The following DGKB variants were observed in gnomAD, a reference collection of about 807,000 sequenced individuals.
DGKB encodes diacylglycerol kinase beta, also known as 90 kDa diacylglycerol kinase.
In DGKB, 67 loss-of-function variants were observed where a neutral mutation model predicts 114.3. That is an observed-to-expected ratio of 0.59 (90% confidence interval 0.48 to 0.72). The LOEUF is 0.72. DGKB is among the 30% of genes least tolerant of loss of function. The pLI is 0.00. For synonymous variants in DGKB, 398 were observed against 323.1 expected (o/e 1.23, Z -2.49); for missense variants, 907 against 975.2 (o/e 0.93, Z 0.93).
chr7:14,240,001 T>C (rs2128362215), intron 23 of DGKB, among the ~76,000 whole-genome samples: 1 of 152,184 alleles, frequency 6.6e-6, no homozygotes, highest in East Asian at 1.9e-4. Flanking sequence ...AATTTGATCC[T>C]GCTACCTTAC....
intron 21 of DGKB, among the ~76,000 whole-genome samples, chr7:14,451,825 C>T (rs1348111102): frequency 6.6e-6 from 1 of 151,920 alleles, no homozygotes; most frequent in East Asian, 1.9e-4. Context: ...AGTGAGATGC[C>T]CCAAACTCTT....
chr7:14,346,083 A>G (rs1463907760), intron 21 of DGKB, among the ~76,000 whole-genome samples: 1 of 151,734 alleles, frequency 6.6e-6, no homozygotes, highest in Non-Finnish European at 1.5e-5. Context: ...TTAGAAGACA[A>G]TACATGTAAG....
intron 6 of DGKB, among the ~76,000 whole-genome samples, chr7:14,717,348 CCTGAGCAAA>C (rs1828372795): frequency 6.6e-6 from 1 of 152,052 alleles, no homozygotes. Context: ...CCTGATAACA[CCTGAGCAAA>C]CTTTCTCTCT....
At chr7:14,461,721 T>C (rs994644593) in intron 21 of DGKB, among the ~76,000 whole-genome samples, 19 of 151,978 alleles carry the variant, frequency 1.3e-4, no homozygotes, top group African/African-American at 3.6e-4. Flanking sequence ...TTCCAGGTGA[T>C]AGAAAAAAAG....
intron 1 of DGKB, among the ~76,000 whole-genome samples, chr7:14,969,337 A>G (rs576560059): frequency 6.6e-6 from 1 of 152,298 alleles, no homozygotes; most frequent in Non-Finnish European, 1.5e-5. Flanking sequence ...GGCTTCAATG[A>G]ACAATGGGGA....
At chr7:14,452,172 G>C (rs990701847) in intron 21 of DGKB, among the ~76,000 whole-genome samples, 1 of 151,898 alleles carries the variant, frequency 6.6e-6, no homozygotes, top group African/African-American at 2.4e-5. Flanking sequence ...ACATATGTGG[G>C]CTTAAATATC....
chr7:14,268,931 T>C (rs1797899422), intron 23 of DGKB: 1 of 152,192 alleles, frequency 6.6e-6, no homozygotes, highest in Non-Finnish European at 1.5e-5. Flanking sequence ...CAACACACAT[T>C]TATTAGCTCA....
chr7:14,373,480 T>G (rs1172754734), intron 21 of DGKB, among the ~76,000 whole-genome samples: 1 of 152,068 alleles, frequency 6.6e-6, no homozygotes, highest in Non-Finnish European at 1.5e-5. Context: ...GTACAGTGAG[T>G]TCTTTGCCAA....
intron 23 of DGKB, among the ~76,000 whole-genome samples, chr7:14,181,284 T>C (rs1782602925): frequency 6.6e-6 from 1 of 152,146 alleles, no homozygotes; most frequent in Admixed American, 6.5e-5. Context: ...TAGAGAAACA[T>C]GAACACTTTC....
chr7:14,681,010 G>A (rs895621560), intron 12 of DGKB, among the ~76,000 whole-genome samples: 1 of 151,476 alleles, frequency 6.6e-6, no homozygotes, highest in Non-Finnish European at 1.5e-5. Flanking sequence ...TTATGTTAAA[G>A]TTAAGATATA....
intron 25 of DGKB, among the ~76,000 whole-genome samples, chr7:14,173,809 A>G (rs540815560): frequency 4.6e-5 from 7 of 152,306 alleles, no homozygotes; most frequent in Admixed American, 1.3e-4. Context: ...ATAATGAGCC[A>G]TAGTCTACTA....
chr7:14,701,587 G>A, intron 7 of DGKB, 94 bp downstream of exon 7: 6 of 865,382 alleles, frequency 6.9e-6, no homozygotes, highest in Non-Finnish European at 1.2e-5. Context: ...TACATTAAGT[G>A]TGCCTTCTGT....
At chr7:14,347,334 T>C (rs777510171) in intron 21 of DGKB, among the ~76,000 whole-genome samples, 5 of 152,028 alleles carry the variant, frequency 3.3e-5, no homozygotes, top group Non-Finnish European at 7.4e-5. Context: ...ATTTGTATAC[T>C]GTTAGTGAGA....
chr7:14,817,124 G>C (rs1445797657), intron 2 of DGKB, among the ~76,000 whole-genome samples: 1 of 152,028 alleles, frequency 6.6e-6, no homozygotes, highest in Non-Finnish European at 1.5e-5. Context: ...CCATCTCCAG[G>C]TTATTTTGAT....
intron 15 of DGKB, among the ~76,000 whole-genome samples, chr7:14,617,610 AATATCTTCT>A (rs1392416444): frequency 1.3e-5 from 2 of 151,566 alleles, no homozygotes; most frequent in African/African-American, 4.8e-5. Flanking sequence ...CTTTCCCACC[AATATCTTCT>A]CATCACACTC....
chr7:14,230,455 T>C (rs1016209660), intron 23 of DGKB, among the ~76,000 whole-genome samples: 3 of 151,966 alleles, frequency 2.0e-5, no homozygotes, highest in Admixed American at 1.3e-4. Flanking sequence ...TAAAATTTCA[T>C]TAATTAAAGA....
intron 1 of DGKB, among the ~76,000 whole-genome samples, chr7:14,870,121 GA>G: frequency 6.6e-6 from 1 of 152,194 alleles, no homozygotes; most frequent in Middle Eastern, 3.4e-3. Context: ...CCACCTGTAT[GA>G]AAAACCTTTC....
At chr7:14,663,083 G>T (rs749682746) in intron 13 of DGKB, among the ~76,000 whole-genome samples, 16 of 151,852 alleles carry the variant, frequency 1.1e-4, no homozygotes, top group Non-Finnish European at 2.1e-4. Context: ...TTAATAGCTC[G>T]CTTCATATCA....
At chr7:14,283,948 G>A (rs1264053593) in intron 23 of DGKB, among the ~76,000 whole-genome samples, 2 of 152,048 alleles carry the variant, frequency 1.3e-5, no homozygotes, top group African/African-American at 2.4e-5. Context: ...CAGGACATAG[G>A]CATGGGCAAG....
Sources: gnomAD v4.1 joint callset for allele counts (sites outside exome capture counted in the v4.1 genomes callset) on GRCh38, gnomAD v4.1.1 for gene constraint, MANE v1.5 for transcripts, NCBI Gene and HGNC (gene_info 2026-07-23, HGNC 2026-07-21) for gene names.